The following PTK6 variants were observed in gnomAD, a reference collection of about 807,000 sequenced individuals.
The protein encoded by PTK6 is protein-tyrosine kinase 6.
Under a neutral mutation model 47.5 loss-of-function variants are expected in PTK6, and 47 were observed. That is an observed-to-expected ratio of 0.99 (90% CI 0.78 to 1.26). The LOEUF (loss-of-function observed/expected upper bound fraction) is 1.26, where lower values mean the gene tolerates loss of function less well. PTK6 is among the 50% of genes most tolerant of loss of function. PTK6 has a pLI of 0.00. For missense variants in PTK6, 618 were observed against 625.3 expected, an observed-to-expected ratio of 0.99 and a Z score of 0.12; for synonymous variants, 287 against 276.5, an observed-to-expected ratio of 1.04 and a Z score of -0.38.
intron 4 of PTK6, 140 bp from the exon 5 acceptor site, chr20:63,532,827 G>A: frequency 8.3e-7 from 1 of 1,209,892 alleles, no homozygotes; most frequent in Non-Finnish European, 1.1e-6. Context: ...CCCCCGACAG[G>A]GCACCTGGCT....
intron 1 of PTK6, among the ~76,000 whole-genome samples, chr20:63,536,748 G>T (rs1051644959): frequency 3.9e-5 from 6 of 152,214 alleles, no homozygotes; most frequent in Non-Finnish European, 8.8e-5. Flanking sequence ...TGGCCACCGG[G>T]CCCCAGAAGT....
At position 63,533,441 on chromosome 20, in the gene PTK6, C is replaced by T. The variant is rs752669742; in HGVS notation, c.670+110G>A. On this transcript the variant is annotated intron_variant, in intron 4 of 7. Transcript: ENST00000542869. The surrounding 1 kb of genome is among the most constrained non-coding windows in gnomAD (Gnocchi z 4.0). ...TGAAAGGGAACCACTCTCGCATGGACGCTGTGGGTGCTGCTTGGGGCTCGA... is the reference window on the plus strand; with the variant it reads ...TGAAAGGGAACCACTCTCGCATGGATGCTGTGGGTGCTGCTTGGGGCTCGA... 131 of 1,311,564 alleles carry T rather than the reference C, an allele frequency of 1.0e-4. No individual in the cohort carries two copies. Among genetic ancestry groups the T allele is most frequent in the South Asian group, 4.0e-4 (26 of 65,006 alleles). The allele number at this position is 1,311,564 out of a possible 1,614,324, so 81.2% of individuals were successfully genotyped here.
At chr20:63,534,789 GC>G in intron 2 of PTK6, 148 bp downstream of exon 2, 1 of 1,224,494 alleles carries the variant, frequency 8.2e-7, no homozygotes, top group Non-Finnish European at 1.1e-6. Context: ...GGAGGAGCGG[GC>G]CAGGTGGGCG....
rs1405570524 is a variant in PTK6, at chr20:63,533,584, G to A, written c.637C>T (p.Arg213Trp). 23 of 1,612,678 alleles carry A rather than the reference G, an allele frequency of 1.4e-5. No individual in the cohort carries two copies. Among genetic ancestry groups the A allele is most frequent in the African/African-American group, 2.7e-5 (2 of 74,786 alleles). The change falls in exon 4 of 8, where the codon CGG becomes TGG. Residue 213 changes from arginine to tryptophan, a missense_variant. Arg to Trp is a moderately radical substitution (Grantham distance 101, BLOSUM62 -3). Transcript: ENST00000542869. The surrounding 1 kb of genome is among the most constrained non-coding windows in gnomAD (Gnocchi z 4.0). Reference protein sequence around the residue: ...GEVFEGLWKDRVQVAIKVISR... With the variant: ...GEVFEGLWKDWVQVAIKVISR... Reference sequence around the variant, plus strand: ...ATCACCTTAATGGCCACCTGGACCCGGTCTTTCCAGAGCCCCTCGAAGACC... The same window carrying A: ...ATCACCTTAATGGCCACCTGGACCCAGTCTTTCCAGAGCCCCTCGAAGACC...
In PTK6 at chr20:63,530,142, G is replaced by A. The variant is rs142910456; in HGVS notation, c.1104C>T (p.Ser368=). Reference sequence around the variant, plus strand: ...GGAGAATCCCAAAGGACCAGACGTCGGATTTGGTGGAGTAATGGCCTCGGG... The same window carrying A: ...GGAGAATCCCAAAGGACCAGACGTCAGATTTGGTGGAGTAATGGCCTCGGG... The part of the protein sequence containing the change: ...ALSRGHYSTK[S]DVWSFGILLH... The change falls in exon 7 of 8, where the codon TCC becomes TCT. Residue 368 remains serine, a synonymous_variant. Transcript: ENST00000542869. The surrounding 1 kb of genome is among the most constrained non-coding windows in gnomAD (Gnocchi z 4.1). 4.1e-5 allele frequency: 66 copies of A among 1,613,958 alleles called. No individual in the cohort carries two copies. The highest frequency in any genetic ancestry group is 8.8e-5 in the South Asian group (8 of 91,090).
At chr20:63,535,542 G>A (rs905911878) in intron 1 of PTK6, among the ~76,000 whole-genome samples, 1 of 152,020 alleles carries the variant, frequency 6.6e-6, no homozygotes, top group Non-Finnish European at 1.5e-5. Flanking sequence ...CTAACTCCCG[G>A]CTGCGGGGTG....
chr20:63,532,525 C>G lies in PTK6; in HGVS notation c.832+1G>C. On this transcript the variant is annotated splice_donor_variant, in intron 5 of 7. Transcript: ENST00000542869. LOFTEE classifies it high-confidence loss of function. ...CAAGAGCCCCGGCCCATGCCACTCA[C>G]CGCGGAGCAGCTCCAGCAGGCTGCC... The G allele has an allele frequency of 6.2e-7, 1 of 1,609,670 alleles. No homozygotes were observed. Among genetic ancestry groups the G allele is most frequent in the Non-Finnish European group, 8.5e-7 (1 of 1,177,096 alleles).
Position 63,533,477 on chromosome 20 carries a change from C to G in PTK6, c.670+74G>C, listed in dbSNP as rs2082641131. ...CTGCTTGGGGCTCGAGGCCAGAGGT[C>G]CCTGTTGGCGGGGTGGGAGGGTGGC... is the stretch of plus-strand genomic sequence containing the variant. On this transcript the variant is annotated intron_variant, in intron 4 of 7. Coordinates refer to ENST00000542869, the MANE Select transcript of PTK6 (RefSeq NM_005975.4). The surrounding 1 kb of genome is among the most constrained non-coding windows in gnomAD (Gnocchi z 4.0). 1 of 1,484,378 alleles carries G rather than the reference C, an allele frequency of 6.7e-7. No homozygotes were observed. Among genetic ancestry groups the G allele is most frequent in the African/African-American group, 1.4e-5 (1 of 70,594 alleles). 92.0% of individuals were successfully genotyped at this position (1,484,378 alleles called of 1,614,324 possible). A position where few individuals can be genotyped will look rare whatever the true frequency, so the allele number is the denominator to read the frequency against.
intron 2 of PTK6, among the ~76,000 whole-genome samples, chr20:63,534,588 C>T (rs2082649816): frequency 6.6e-6 from 1 of 152,212 alleles, no homozygotes; most frequent in African/African-American, 2.4e-5. Context: ...TGCTGAGATC[C>T]TCAGGGGCAG....
chr20:63,532,360 C>T (rs112386738), intron 5 of PTK6, among the ~76,000 whole-genome samples, 166 bp downstream of exon 5: 3 of 109,402 alleles, frequency 2.7e-5, no homozygotes, highest in South Asian at 2.7e-4. Context: ...TGTGTCTGTG[C>T]GTGTGTGTCT....
rs2145967961 is a variant in PTK6 at position 63,529,266 on chromosome 20, A to G, written c.*270T>C. ...CGGGCTGTGGTCAGAGTCCCCTCTG[A>G]CCTCTGCTGGCTTCGTGTCAGTCTC... is the stretch of plus-strand genomic sequence containing the variant. On this transcript the variant is annotated 3_prime_UTR_variant, in exon 8 of 8. Transcript: ENST00000542869. The surrounding 1 kb of genome is among the most constrained non-coding windows in gnomAD (Gnocchi z 5.6). 2.9e-6 allele frequency: 1 copy of G among 346,772 alleles called. No individual in the cohort carries two copies. Among genetic ancestry groups the G allele is most frequent in the South Asian group, 5.9e-5 (1 of 16,812 alleles). 21.5% of individuals were successfully genotyped at this position (346,772 alleles called of 1,614,324 possible). A position where few individuals can be genotyped will look rare whatever the true frequency, so the allele number is the denominator to read the frequency against.
Position 63,533,258 on chromosome 20 carries a change from T to C in PTK6, c.670+293A>G, listed in dbSNP as rs113091339. 0.13 allele frequency among the ~76,000 whole-genome samples: 19,648 copies of C among 151,900 alleles called. 4,057 individuals are homozygous for C. The highest frequency in any genetic ancestry group is 0.44 in the African/African-American group (18,236 of 41,292). Reference sequence around the variant, plus strand: ...AATTTTTGTATTTTTAGTAGAGACGTGGTTTCCCCATGTTGGCCAGGCTGG... The same window carrying C: ...AATTTTTGTATTTTTAGTAGAGACGCGGTTTCCCCATGTTGGCCAGGCTGG... On this transcript the variant is annotated intron_variant, in intron 4 of 7. Transcript: ENST00000542869. The surrounding 1 kb of genome is among the most constrained non-coding windows in gnomAD (Gnocchi z 4.0).
chr20:63,535,132 C>T (rs1274878445), intron 1 of PTK6, 73 bp from the exon 2 acceptor site: 3 of 1,491,904 alleles, frequency 2.0e-6, no homozygotes, highest in Admixed American at 4.3e-5. Flanking sequence ...CCCCAGCCTG[C>T]CCGCCTGGAA....
At position 63,528,594 on chromosome 20, in the gene PTK6, T is replaced by TAAAA. The variant is rs1184495149; in HGVS notation, c.*941_*942insTTTT. On this transcript the variant is annotated 3_prime_UTR_variant, in exon 8 of 8. Transcript: ENST00000542869. The stretch of plus-strand genomic sequence containing the variant: ...CACCCAGCTAATTTTTTGTATTTTT[T>TAAAA]AGTAGAGACGGGGTTTCACCGTGTT... The TAAAA allele has an allele frequency of 6.6e-6, 1 of 151,904 alleles. No individual in the cohort carries two copies. Among genetic ancestry groups the TAAAA allele is most frequent in the African/African-American group, 2.4e-5 (1 of 41,342 alleles). The allele number at this position is 151,904 out of a possible 1,614,324, so 9.4% of individuals were successfully genotyped here.
intron 5 of PTK6, among the ~76,000 whole-genome samples, chr20:63,531,844 C>T (rs529047728): frequency 2.1e-5 from 3 of 143,514 alleles, no homozygotes; most frequent in South Asian, 2.1e-4. Context: ...CCCTGAAGGG[C>T]GTGGGGACTG....
rs1445431650 is a variant in PTK6, at chr20:63,528,896, C to A, written c.*640G>T. On this transcript the variant is annotated 3_prime_UTR_variant, in exon 8 of 8. Coordinates refer to ENST00000542869, the MANE Select transcript of PTK6 (RefSeq NM_005975.4). ...CCCTTGTCAGCGCAGGAGTGAGGGG[C>A]GCTTTCCAGCACTGACCCAGCGACA... The A allele has an allele frequency of 6.6e-6, 1 of 152,156 alleles. No individual in the cohort carries two copies. Among genetic ancestry groups the A allele is most frequent in the Non-Finnish European group, 1.5e-5 (1 of 68,054 alleles). 9.4% of individuals were successfully genotyped at this position (152,156 alleles called of 1,614,324 possible).
Position 63,530,677 on chromosome 20 carries a change from C to T in PTK6, c.1014+69G>A. ...TCCCAGCCGAGTCCCCAGCTCCACA[C>T]ACAGGAAGCCCCCAGCCCTCCGGCC... On this transcript the variant is annotated intron_variant, in intron 6 of 7. Transcript: ENST00000542869. This position sits in a 1 kb window ranked among gnomAD's most constrained non-coding sequence, Gnocchi z 4.1. 6.5e-7 allele frequency: 1 copy of T among 1,547,166 alleles called. No individual in the cohort carries two copies. The highest frequency in any genetic ancestry group is 8.8e-7 in the Non-Finnish European group (1 of 1,136,500).
intron 5 of PTK6, among the ~76,000 whole-genome samples, chr20:63,531,913 C>T (rs772253895): frequency 1.2e-4 from 18 of 152,224 alleles, no homozygotes; most frequent in East Asian, 1.9e-4. Flanking sequence ...TCGCTCAGAG[C>T]GCAAACGTGC....
intron 1 of PTK6, among the ~76,000 whole-genome samples, chr20:63,536,595 G>GCA (rs1402758310): frequency 6.6e-6 from 1 of 152,032 alleles, no homozygotes; most frequent in African/African-American, 2.4e-5. Context: ...TCCCCGCAGG[G>GCA]CACAGCAGGC....
Sources: allele counts gnomAD v4.1 joint callset (sites outside exome capture counted in the v4.1 genomes callset), GRCh38; gene constraint gnomAD v4.1.1; non-coding constraint Gnocchi (gnomAD v3.1); transcripts MANE v1.5; gene names NCBI Gene and HGNC (gene_info 2026-07-23, HGNC 2026-07-21).